LRMDA: variants seen among roughly 807,000 people sequenced by gnomAD.
LRMDA encodes leucine rich melanocyte differentiation associated.
In LRMDA, 18 loss-of-function variants were observed where a neutral mutation model predicts 29.8. The ratio of observed to expected loss-of-function variants is 0.60; its 90% CI spans 0.42 to 0.90. The LOEUF (loss-of-function observed/expected upper bound fraction) is 0.90. LRMDA is among the 40% of genes least tolerant of loss of function. The pLI is 0.00. For synonymous variants in LRMDA, 125 were observed against 109.4 expected (o/e 1.14, Z -0.89); for missense variants, 273 against 273.9 (o/e 1.00, Z 0.02).
chr10:76,446,447 T>C (rs1842354861), intron 6 of LRMDA, among the ~76,000 whole-genome samples: 1 of 152,218 alleles, frequency 6.6e-6, no homozygotes, highest in African/African-American at 2.4e-5. Flanking sequence ...AACAGACTTA[T>C]TTTCTTGTCA....
At chr10:76,330,467 C>G (rs987346328) in intron 6 of LRMDA, among the ~76,000 whole-genome samples, 3 of 152,110 alleles carry the variant, frequency 2.0e-5, no homozygotes, top group African/African-American at 2.4e-5. Context: ...AGGACAGAAC[C>G]CTCTGAAATG....
chr10:75,622,748 C>T (rs2132107672), intron 2 of LRMDA, among the ~76,000 whole-genome samples: 1 of 152,264 alleles, frequency 6.6e-6, no homozygotes, highest in African/African-American at 2.4e-5. Context: ...ATTTAATATG[C>T]TTAGCAAGTA....
chr10:76,309,687 C>T (rs1316732753), intron 5 of LRMDA, among the ~76,000 whole-genome samples: 1 of 152,090 alleles, frequency 6.6e-6, no homozygotes. Context: ...TGCATTGCAA[C>T]AAGTTAGGGG....
intron 2 of LRMDA, among the ~76,000 whole-genome samples, chr10:75,761,278 C>T (rs1358407250): frequency 6.6e-6 from 1 of 152,168 alleles, no homozygotes; most frequent in Non-Finnish European, 1.5e-5. Context: ...GAGGTGAAAG[C>T]AACTCATGTC....
intron 6 of LRMDA, among the ~76,000 whole-genome samples, chr10:76,373,090 T>C (rs1841474429): frequency 6.6e-6 from 1 of 152,180 alleles, no homozygotes; most frequent in African/African-American, 2.4e-5. Context: ...ACCCAGTGTT[T>C]CTCAAATATA....
At chr10:75,823,685 AGTGTGTGTGTGTGTGTGT>A (rs141426887) in intron 2 of LRMDA, among the ~76,000 whole-genome samples, 25 of 144,178 alleles carry the variant, frequency 1.7e-4, no homozygotes, top group East Asian at 8.6e-4. Flanking sequence ...ATTAAAATGT[AGTGTGTGTGTGTGTGTGT>A]GTGTGTGTGT....
intron 5 of LRMDA, among the ~76,000 whole-genome samples, chr10:76,095,097 A>T (rs1849293175): frequency 6.6e-6 from 1 of 152,208 alleles, no homozygotes; most frequent in African/African-American, 2.4e-5. Context: ...ATGAACAGTT[A>T]CCTTTCTGGA....
chr10:76,194,854 A>G (rs1026355066), intron 5 of LRMDA, among the ~76,000 whole-genome samples: 3 of 152,232 alleles, frequency 2.0e-5, no homozygotes, highest in African/African-American at 7.2e-5. Context: ...CTTTCTTTGC[A>G]GCTTCTCAAG....
At chr10:76,014,982 C>T (rs1847857780) in intron 2 of LRMDA, among the ~76,000 whole-genome samples, 1 of 152,226 alleles carries the variant, frequency 6.6e-6, no homozygotes, top group Non-Finnish European at 1.5e-5. Flanking sequence ...TATGTCTCTT[C>T]AGAATCATAT....
intron 5 of LRMDA, among the ~76,000 whole-genome samples, chr10:76,117,026 T>C (rs1849679059): frequency 6.6e-6 from 1 of 152,176 alleles, no homozygotes; most frequent in Non-Finnish European, 1.5e-5. Context: ...GAACCTGGGC[T>C]GGGCAGTGAC....
At chr10:76,427,925 G>A (rs1202751909) in intron 6 of LRMDA, among the ~76,000 whole-genome samples, 1 of 152,152 alleles carries the variant, frequency 6.6e-6, no homozygotes, top group Non-Finnish European at 1.5e-5. Flanking sequence ...TGCATATGTT[G>A]AACCAGCCTT....
intron 2 of LRMDA, among the ~76,000 whole-genome samples, chr10:75,547,084 A>G (rs1840089462): frequency 6.6e-6 from 1 of 152,178 alleles, no homozygotes; most frequent in African/African-American, 2.4e-5. Context: ...TGAGGACTAC[A>G]AGAATGATCA....
chr10:75,792,383 G>T (rs1274191368), intron 2 of LRMDA, among the ~76,000 whole-genome samples: 2 of 152,210 alleles, frequency 1.3e-5, no homozygotes, highest in East Asian at 3.9e-4. Flanking sequence ...CCCTGCCTCA[G>T]CCTCCTGAGT....
chr10:76,266,895 C>T (rs959760735), intron 5 of LRMDA, among the ~76,000 whole-genome samples: 5 of 151,964 alleles, frequency 3.3e-5, no homozygotes, highest in Admixed American at 6.6e-5. Flanking sequence ...GTTTTGATTC[C>T]GGAGAACATT....
At chr10:76,197,594 G>A (rs1369283675) in intron 5 of LRMDA, among the ~76,000 whole-genome samples, 1 of 152,108 alleles carries the variant, frequency 6.6e-6, no homozygotes, top group Non-Finnish European at 1.5e-5. Context: ...GCACAGGGCA[G>A]CCCTTCCACA....
chr10:76,161,676 C>G (rs1236855885), intron 5 of LRMDA, among the ~76,000 whole-genome samples: 1 of 152,194 alleles, frequency 6.6e-6, no homozygotes, highest in Non-Finnish European at 1.5e-5. Flanking sequence ...GAAAGGGTCA[C>G]CGATGAGGCC....
intron 2 of LRMDA, chr10:75,882,687 G>T (rs9416097): frequency 0.18 from 27,294 of 152,256 alleles, 2,865 homozygotes; most frequent in Middle Eastern, 0.41. Context: ...AGGGCCTGGG[G>T]AGGAGGGACG....
At chr10:75,896,381 T>G (rs975476528) in intron 2 of LRMDA, among the ~76,000 whole-genome samples, 1 of 152,250 alleles carries the variant, frequency 6.6e-6, no homozygotes, top group African/African-American at 2.4e-5. Flanking sequence ...AGAATAGCAC[T>G]TAGCACACTC....
chr10:75,444,204 CT>C (rs1251756539), intron 2 of LRMDA, among the ~76,000 whole-genome samples: 1 of 152,112 alleles, frequency 6.6e-6, no homozygotes, highest in African/African-American at 2.4e-5. Context: ...GGCAAATCCA[CT>C]TCTGTGTTAG....
Sources: allele counts gnomAD v4.1 joint callset (sites outside exome capture counted in the v4.1 genomes callset), GRCh38; gene constraint gnomAD v4.1.1; transcripts MANE v1.5; gene names NCBI Gene and HGNC (gene_info 2026-07-23, HGNC 2026-07-21).